ERG: variants seen among roughly 807,000 people sequenced by gnomAD.
ERG encodes the protein ETS transcription factor ERG, also known as transcriptional regulator ERG.
Under a neutral mutation model 55.3 loss-of-function variants are expected in ERG, and 9 were observed. The ratio of observed to expected loss-of-function variants is 0.16; its 90% CI spans 0.10 to 0.28. The LOEUF is 0.28. Ranked by LOEUF, ERG falls within the 10% of genes least tolerant of loss-of-function variation. ERG has a pLI of 1.00. For synonymous variants in ERG, 223 were observed against 237.3 expected (o/e 0.94, Z 0.55); for missense variants, 434 against 631.6 (o/e 0.69, Z 3.35).
intron 2 of ERG, among the ~76,000 whole-genome samples, chr21:38,436,899 CTT>C (rs11421601): frequency 1.4e-5 from 2 of 142,366 alleles, no homozygotes; most frequent in Non-Finnish European, 1.5e-5. Flanking sequence ...TTCTTTCTCT[CTT>C]TTTTTTTTTT....
intron 1 of ERG, among the ~76,000 whole-genome samples, chr21:38,477,546 A>G (rs1424433143): frequency 6.6e-6 from 1 of 152,218 alleles, no homozygotes. Flanking sequence ...TGGTTAGAGA[A>G]TCTACCAGGA....
At chr21:38,555,137 G>C (rs2059850140) in intron 2 of ERG, among the ~76,000 whole-genome samples, 1 of 151,988 alleles carries the variant, frequency 6.6e-6, no homozygotes, top group East Asian at 1.9e-4. Context: ...GACCAGCCTG[G>C]CCAACATAGT....
chr21:38,622,444 CAT>C (rs1044286727), intron 1 of ERG, among the ~76,000 whole-genome samples: 34 of 150,128 alleles, frequency 2.3e-4, no homozygotes, highest in African/African-American at 6.6e-4. Flanking sequence ...ACCCCCCACA[CAT>C]GACATACACA....
At chr21:38,466,300 G>GGGGTGTGTGTGTGTGTGTGTGTGT (rs1555903683) in intron 1 of ERG, among the ~76,000 whole-genome samples, 1 of 140,604 alleles carries the variant, frequency 7.1e-6, no homozygotes, top group African/African-American at 2.7e-5. Context: ...GATGGTCTGG[G>GGGGTGTGTGTGTGTGTGTGTGTGT]GTGTGTGTGT....
intron 2 of ERG, among the ~76,000 whole-genome samples, chr21:38,566,746 C>T (rs952189756): frequency 6.6e-6 from 1 of 152,158 alleles, no homozygotes; most frequent in African/African-American, 2.4e-5. Flanking sequence ...AAATATTTAT[C>T]GATTATCTAA....
At chr21:38,563,040 A>G (rs975453967) in intron 2 of ERG, among the ~76,000 whole-genome samples, 1 of 152,238 alleles carries the variant, frequency 6.6e-6, no homozygotes, top group Non-Finnish European at 1.5e-5. Flanking sequence ...TACATAGTGT[A>G]TGATTCCAAC....
At chr21:38,559,881 C>T (rs1601241042) in intron 2 of ERG, among the ~76,000 whole-genome samples, 1 of 152,154 alleles carries the variant, frequency 6.6e-6, no homozygotes, top group East Asian at 1.9e-4. Context: ...TGGGGTTTCA[C>T]CATGTTGGTC....
intron 3 of ERG, among the ~76,000 whole-genome samples, chr21:38,404,130 A>G (rs191533323): frequency 5.3e-5 from 8 of 152,318 alleles, no homozygotes; most frequent in African/African-American, 1.9e-4. Flanking sequence ...TAAGCCACAC[A>G]TATCAGGAAG....
chr21:38,456,892 G>A (rs967250123), intron 1 of ERG, among the ~76,000 whole-genome samples: 3 of 152,198 alleles, frequency 2.0e-5, no homozygotes, highest in African/African-American at 7.2e-5. Flanking sequence ...GTTATACGCT[G>A]AGCTCATGCT....
chr21:38,656,102 G>C (rs918469162), intron 1 of ERG, among the ~76,000 whole-genome samples: 9 of 152,170 alleles, frequency 5.9e-5, no homozygotes, highest in Non-Finnish European at 7.3e-5. Flanking sequence ...GTGGAAGAAA[G>C]AGAGGAATAT....
rs866757132 is a variant in ERG at position 38,381,209 on chromosome 21, G to A, written c.*2194C>T. 28 of 1,064,748 alleles carry A rather than the reference G, an allele frequency of 2.6e-5. No homozygotes were observed. Among genetic ancestry groups the A allele is most frequent in the Admixed American group, 5.3e-5 (1 of 18,718 alleles). The allele number at this position is 1,064,748 out of a possible 1,614,324, so 66.0% of individuals were successfully genotyped here. A position where few individuals can be genotyped will look rare whatever the true frequency, so the allele number is the denominator to read the frequency against. On this transcript the variant is annotated 3_prime_UTR_variant, in exon 10 of 10. Coordinates refer to ENST00000288319, the MANE Select transcript of ERG (RefSeq NM_182918.4). ...ATAATCATAGCAAAAGGACTGCAACGTGAAAAAAACAGGCCCTGAAACAGC... is the reference window on the plus strand; with the variant it reads ...ATAATCATAGCAAAAGGACTGCAACATGAAAAAAACAGGCCCTGAAACAGC...
At chr21:38,538,801 A>T (rs1343035630) in intron 2 of ERG, among the ~76,000 whole-genome samples, 1 of 152,022 alleles carries the variant, frequency 6.6e-6, no homozygotes, top group East Asian at 1.9e-4. Flanking sequence ...TTCAAGCTCC[A>T]TGGTTGACTA....
intron 2 of ERG, among the ~76,000 whole-genome samples, chr21:38,560,661 C>T (rs1281096106): frequency 6.6e-6 from 1 of 152,162 alleles, no homozygotes; most frequent in Non-Finnish European, 1.5e-5. Flanking sequence ...TAACACAATA[C>T]TCCTAAAACC....
chr21:38,505,508 G>C (rs1168129239), intron 2 of ERG, among the ~76,000 whole-genome samples: 1 of 152,148 alleles, frequency 6.6e-6, no homozygotes, highest in African/African-American at 2.4e-5. Context: ...GAACTGAAAT[G>C]ATGATATCAG....
intron 1 of ERG, among the ~76,000 whole-genome samples, chr21:38,462,785 A>G (rs546096978): frequency 6.6e-6 from 1 of 152,300 alleles, no homozygotes; most frequent in South Asian, 2.1e-4. Flanking sequence ...TCTACTAAAG[A>G]AGCAGGCTGC....
upstream of ERG, among the ~76,000 whole-genome samples, chr21:38,588,302 C>A (rs1299426782): frequency 7.1e-6 from 1 of 139,930 alleles, no homozygotes; most frequent in Non-Finnish European, 1.6e-5. Context: ...GTCACATGAC[C>A]TGAAGAGACA....
chr21:38,396,171 G>GAA (rs112841377), intron 6 of ERG, among the ~76,000 whole-genome samples: 6 of 151,054 alleles, frequency 4.0e-5, no homozygotes, highest in Admixed American at 4.0e-4. Flanking sequence ...TCTGTGAAAT[G>GAA]AAAAAAAAAG....
At chr21:38,370,155 G>T in the ERG span, among the ~76,000 whole-genome samples, 11 of 152,114 alleles carry the variant, frequency 7.2e-5, 1 homozygote, top group South Asian at 2.3e-3. Flanking sequence ...GTGCAAAATA[G>T]ATATTATTTT....
At chr21:38,640,003 C>T (rs904276022) in intron 1 of ERG, among the ~76,000 whole-genome samples, 2 of 152,074 alleles carry the variant, frequency 1.3e-5, no homozygotes, top group Non-Finnish European at 2.9e-5. Context: ...CACAACAAAA[C>T]AATAAAAACC....
Sources: allele counts gnomAD v4.1 joint callset (sites outside exome capture counted in the v4.1 genomes callset), GRCh38; gene constraint gnomAD v4.1.1; transcripts MANE v1.5; gene names NCBI Gene and HGNC (gene_info 2026-07-23, HGNC 2026-07-21).